Variants in PARD3B observed in about 807,000 individuals in gnomAD.
PARD3B encodes par-3 family cell polarity regulator beta, also known as partitioning defective 3 homolog B.
In PARD3B, 103 loss-of-function variants were observed where a neutral mutation model predicts 130.2. The ratio of observed to expected loss-of-function variants is 0.79; its 90% CI spans 0.67 to 0.93. PARD3B has a LOEUF of 0.93. Among genes scored for constraint, PARD3B ranks in the 40% least tolerant of loss-of-function variants. PARD3B has a pLI of 0.00. For synonymous variants in PARD3B, 583 were observed against 553.2 expected, an observed-to-expected ratio of 1.05 and a Z score of -0.76; for missense variants, 1,609 against 1,499.2, an observed-to-expected ratio of 1.07 and a Z score of -1.21.
intron 21 of PARD3B, among the ~76,000 whole-genome samples, chr2:205,521,145 A>G (rs2051031467): frequency 6.6e-6 from 1 of 151,750 alleles, no homozygotes; most frequent in Non-Finnish European, 1.5e-5. Flanking sequence ...TCTGTTTTAT[A>G]CAGCTTTTAG....
chr2:205,579,633 C>A lies in PARD3B; in HGVS notation c.3260+26230C>A, dbSNP rs139051715. On this transcript the variant is annotated intron_variant, in intron 22 of 22. Coordinates refer to ENST00000406610, the MANE Select transcript of PARD3B (RefSeq NM_001302769.2). The stretch of plus-strand genomic sequence containing the variant: ...TGGCTGAAAATTGGTTTACTGCACT[C>A]GTCCCATTTTGGAGGCCAACCTTGC... 2.5e-3 allele frequency among the ~76,000 whole-genome samples: 383 copies of A among 152,332 alleles called. 3 individuals are homozygous for A. The highest frequency in any genetic ancestry group is 8.2e-3 in the African/African-American group (342 of 41,574).
intron 2 of PARD3B, among the ~76,000 whole-genome samples, chr2:204,744,132 GA>G (rs1291001677): frequency 6.6e-6 from 1 of 152,116 alleles, no homozygotes; most frequent in Non-Finnish European, 1.5e-5. Context: ...GGTTAAATGA[GA>G]ACAACTGAAT....
intron 2 of PARD3B, among the ~76,000 whole-genome samples, chr2:204,963,018 T>TG (rs2125849754): frequency 6.6e-6 from 1 of 152,336 alleles, no homozygotes; most frequent in African/African-American, 2.4e-5. Flanking sequence ...AACACGCTAA[T>TG]GGACAAATTA....
At chr2:204,730,643 G>A (rs991326367) in intron 2 of PARD3B, among the ~76,000 whole-genome samples, 6 of 151,374 alleles carry the variant, frequency 4.0e-5, no homozygotes, top group African/African-American at 9.7e-5. Context: ...ATCACATAGT[G>A]ATACTCTGAA....
At chr2:205,197,983 T>C (rs2036787311) in intron 15 of PARD3B, among the ~76,000 whole-genome samples, 1 of 152,208 alleles carries the variant, frequency 6.6e-6, no homozygotes, top group South Asian at 2.1e-4. Context: ...AAAGACTTTT[T>C]GATGAGGCAT....
intron 18 of PARD3B, among the ~76,000 whole-genome samples, chr2:205,391,182 T>C (rs2045846216): frequency 6.6e-6 from 1 of 152,224 alleles, no homozygotes; most frequent in African/African-American, 2.4e-5. Flanking sequence ...AAAACACTCT[T>C]TCCTTTCCTA....
chr2:205,251,939 C>T (rs1225268002), intron 16 of PARD3B, among the ~76,000 whole-genome samples: 1 of 152,134 alleles, frequency 6.6e-6, no homozygotes, highest in Non-Finnish European at 1.5e-5. Flanking sequence ...TTCTCACATG[C>T]TGCAGCCTTG....
At chr2:204,554,273 T>G (rs2030759258) in intron 1 of PARD3B, among the ~76,000 whole-genome samples, 2 of 152,080 alleles carry the variant, frequency 1.3e-5, no homozygotes, top group Non-Finnish European at 2.9e-5. Flanking sequence ...CCAGCCCAGG[T>G]GTCTTCCCTG....
At chr2:205,612,350 C>T (rs2055262724) in intron 22 of PARD3B, among the ~76,000 whole-genome samples, 1 of 152,172 alleles carries the variant, frequency 6.6e-6, no homozygotes, top group Non-Finnish European at 1.5e-5. Context: ...AGGGTTTCAC[C>T]AGGCTGGTCT....
Position 205,268,605 on chromosome 2 carries a change from G to A in PARD3B, c.2185+22783G>A, listed in dbSNP as rs191005426. Among the ~76,000 whole-genome samples the A allele has an allele frequency of 3.3e-5, 5 of 152,120 alleles. No homozygotes were observed. Among genetic ancestry groups the A allele is most frequent in the Middle Eastern group, 3.4e-3 (1 of 294 alleles). On this transcript the variant is annotated intron_variant, in intron 16 of 22. Coordinates refer to ENST00000406610, the MANE Select transcript of PARD3B (RefSeq NM_001302769.2). This position sits in a 1 kb window ranked among gnomAD's most constrained non-coding sequence, Gnocchi z 4.1. ...TCTAATGCCACTAGTATTAGGAGGCGGTAATTTGCAGATAAAAAGTAAAAA... is the reference window on the plus strand; with the variant it reads ...TCTAATGCCACTAGTATTAGGAGGCAGTAATTTGCAGATAAAAAGTAAAAA...
intron 18 of PARD3B, among the ~76,000 whole-genome samples, chr2:205,362,556 A>G (rs1419778627): frequency 6.6e-6 from 1 of 152,176 alleles, no homozygotes; most frequent in Non-Finnish European, 1.5e-5. Flanking sequence ...TTCTATACCA[A>G]CTGAATTTGG....
chr2:204,719,772 A>C (rs991129965), intron 2 of PARD3B, among the ~76,000 whole-genome samples: 3 of 139,324 alleles, frequency 2.2e-5, no homozygotes, highest in Non-Finnish European at 4.5e-5. Context: ...TTAATGTGCC[A>C]CTGAATTAGG....
At position 204,788,315 on chromosome 2, in the gene PARD3B, C is replaced by T. The variant is rs533014461; in HGVS notation, c.222+102033C>T. 3.9e-5 allele frequency among the ~76,000 whole-genome samples: 6 copies of T among 152,310 alleles called. No individual in the cohort carries two copies. The East Asian group carries it at 1.2e-3, about 29-fold the overall frequency. ...ATCTATGGAACATATTCTTCCTCAA[C>T]AGCCCTACACTGTTATCTCATAGGG... is the stretch of plus-strand genomic sequence containing the variant. On this transcript the variant is annotated intron_variant, in intron 2 of 22. Coordinates refer to ENST00000406610, the MANE Select transcript of PARD3B (RefSeq NM_001302769.2).
intron 2 of PARD3B, among the ~76,000 whole-genome samples, chr2:204,908,621 A>G (rs1046806676): frequency 2.0e-5 from 3 of 152,190 alleles, no homozygotes; most frequent in African/African-American, 7.2e-5. Flanking sequence ...AATACACGAG[A>G]CTGAAATGGA....
chr2:205,301,571 G>T lies in PARD3B; in HGVS notation c.2500G>T (p.Val834Phe), dbSNP rs761876632. The change falls in exon 18 of 23, where the codon GTC becomes TTC. Residue 834 changes from valine to phenylalanine, a missense_variant. Val to Phe is a conservative substitution (Grantham distance 50). Coordinates refer to ENST00000406610, the MANE Select transcript of PARD3B (RefSeq NM_001302769.2). The surrounding 1 kb of genome is among the most constrained non-coding windows in gnomAD (Gnocchi z 5.2). ...LEDMENKARK[V>F]KKTKEKEKKK... ...GGACATGGAAAATAAAGCCAGGAAA[G>T]TCAAAAAAACGAAAGAGAAGGAGAA... 3 of 1,613,614 alleles carry T rather than the reference G, an allele frequency of 1.9e-6. No homozygotes were observed. Among genetic ancestry groups the T allele is most frequent in the Non-Finnish European group, 1.7e-6 (2 of 1,179,930 alleles).
In PARD3B at chr2:205,245,894, A is replaced by G; in HGVS notation, c.2185+72A>G. 3 of 1,301,484 alleles carry G rather than the reference A, an allele frequency of 2.3e-6. No individual in the cohort carries two copies. The South Asian group carries it at 3.6e-5, about 16-fold the overall frequency. 80.6% of individuals were successfully genotyped at this position (1,301,484 alleles called of 1,614,324 possible). A position where few individuals can be genotyped will look rare whatever the true frequency, so the allele number is the denominator to read the frequency against. Reference sequence around the variant, plus strand: ...CTGGCTGTGTTTTAGTAGCAGTTGGAACCTGTTTCTATCCACTAGTCACTG... The same window carrying G: ...CTGGCTGTGTTTTAGTAGCAGTTGGGACCTGTTTCTATCCACTAGTCACTG... On this transcript the variant is annotated intron_variant, in intron 16 of 22. Transcript: ENST00000406610.
At chr2:204,662,255 A>G (rs151149902) in intron 1 of PARD3B, among the ~76,000 whole-genome samples, 5 of 152,328 alleles carry the variant, frequency 3.3e-5, no homozygotes, top group African/African-American at 7.2e-5. Flanking sequence ...CACTGATCTT[A>G]TCAGAAAGGT....
chr2:205,084,160 G>T (rs1167814278), intron 4 of PARD3B, among the ~76,000 whole-genome samples: 2 of 152,024 alleles, frequency 1.3e-5, no homozygotes, highest in African/African-American at 4.8e-5. Flanking sequence ...CGTTGCTTCT[G>T]TCTATTATGA....
At chr2:205,516,873 C>T (rs1223641503) in intron 21 of PARD3B, among the ~76,000 whole-genome samples, 3 of 152,006 alleles carry the variant, frequency 2.0e-5, no homozygotes, top group South Asian at 2.1e-4. Context: ...CCAGTTTTTG[C>T]CCATTTAGTA....
Sources: allele counts gnomAD v4.1 joint callset (sites outside exome capture counted in the v4.1 genomes callset), GRCh38; gene constraint gnomAD v4.1.1; non-coding constraint Gnocchi (gnomAD v3.1); transcripts MANE v1.5; gene names NCBI Gene and HGNC (gene_info 2026-07-23, HGNC 2026-07-21).